DSCAM: variants seen among roughly 807,000 people sequenced by gnomAD.
The protein encoded by DSCAM is cell adhesion molecule DSCAM.
Under a neutral mutation model 217.7 loss-of-function variants are expected in DSCAM, and 47 were observed. The observed-to-expected ratio is 0.22, with a 90% CI of 0.17 to 0.28. The LOEUF is 0.28. Ranked by LOEUF, DSCAM falls within the 10% of genes least tolerant of loss-of-function variation. The probability of loss-of-function intolerance (pLI) is 1.00; values close to 1 mark genes in which losing one functional copy is unlikely to be tolerated. For synonymous variants in DSCAM, 1,056 were observed against 1,015.3 expected (o/e 1.04, Z -0.76); for missense variants, 2,080 against 2,618.3 (o/e 0.79, Z 4.49).
At chr21:40,494,796 T>A (rs2076104440) in intron 3 of DSCAM, among the ~76,000 whole-genome samples, 1 of 130,036 alleles carries the variant, frequency 7.7e-6, no homozygotes, top group Admixed American at 7.4e-5. Flanking sequence ...AGAAAAACAA[T>A]AGAAAAGATC....
At chr21:40,324,241 A>G (rs1190788995) in intron 8 of DSCAM, among the ~76,000 whole-genome samples, 1 of 152,076 alleles carries the variant, frequency 6.6e-6, no homozygotes, top group African/African-American at 2.4e-5. Context: ...AAAAATAATT[A>G]AAATGTTTTA....
At chr21:40,698,076 C>T (rs62223023) in intron 2 of DSCAM, among the ~76,000 whole-genome samples, 20,295 of 152,086 alleles carry the variant, frequency 0.13, 1,425 homozygotes, top group Admixed American at 0.19. Flanking sequence ...ATGAAGCTTA[C>T]GAAAAGCATC....
At chr21:40,464,257 G>T (rs1479824268) in intron 3 of DSCAM, among the ~76,000 whole-genome samples, 1 of 152,198 alleles carries the variant, frequency 6.6e-6, no homozygotes, top group East Asian at 1.9e-4. Context: ...GTAAATCGCT[G>T]CCCACATGGA....
intron 28 of DSCAM, among the ~76,000 whole-genome samples, chr21:40,060,648 C>T (rs991841907): frequency 2.6e-5 from 4 of 152,194 alleles, no homozygotes; most frequent in African/African-American, 7.2e-5. Flanking sequence ...CTCCAGGCAC[C>T]ATTATCACCT....
At chr21:40,479,397 G>A (rs902536276) in intron 3 of DSCAM, among the ~76,000 whole-genome samples, 10 of 152,068 alleles carry the variant, frequency 6.6e-5, no homozygotes, top group African/African-American at 1.4e-4. Flanking sequence ...AGTCCCCTTA[G>A]AAACATCTCA....
At chr21:40,142,819 C>T (rs974222091) in intron 17 of DSCAM, 115 bp from the exon 18 acceptor site, 1 of 1,207,210 alleles carries the variant, frequency 8.3e-7, no homozygotes, top group East Asian at 2.4e-5. Flanking sequence ...TTGCACTCAA[C>T]CCCAAAATGA....
At chr21:40,140,304 G>A (rs1386658896) in intron 18 of DSCAM, among the ~76,000 whole-genome samples, 2 of 152,162 alleles carry the variant, frequency 1.3e-5, no homozygotes, top group African/African-American at 2.4e-5. Context: ...ATGAGTGAAA[G>A]TATCTTTAAA....
Position 40,788,929 on chromosome 21 carries a change from G to A in DSCAM, c.43+57690C>T, listed in dbSNP as rs1601260851. ...CATATAGCACCACAATTTAGAGGTA[G>A]CCTTAAAAGAACTGTTTTCTGCTTA... On this transcript the variant is annotated intron_variant, in intron 1 of 32. Transcript: ENST00000400454. 2.0e-5 allele frequency among the ~76,000 whole-genome samples: 3 copies of A among 152,154 alleles called. No homozygotes were observed. In the East Asian group the frequency reaches 5.8e-4, roughly 29 times the overall value.
chr21:40,614,235 A>G (rs552717970), intron 3 of DSCAM, among the ~76,000 whole-genome samples: 1 of 152,336 alleles, frequency 6.6e-6, no homozygotes, highest in East Asian at 1.9e-4. Flanking sequence ...GACCACCCTA[A>G]GGGTTTTTTA....
chr21:40,555,894 C>T (rs187067568), intron 3 of DSCAM, among the ~76,000 whole-genome samples: 34 of 152,174 alleles, frequency 2.2e-4, no homozygotes, highest in African/African-American at 7.2e-4. Flanking sequence ...TCCTCGGCCT[C>T]CCAAAGTGCT....
At chr21:40,536,518 C>T (rs1469477962) in intron 3 of DSCAM, among the ~76,000 whole-genome samples, 1 of 151,738 alleles carries the variant, frequency 6.6e-6, no homozygotes, top group Non-Finnish European at 1.5e-5. Context: ...TCTCCTGCCT[C>T]AGCCTCCCTA....
chr21:40,408,166 A>G (rs1199919332), intron 3 of DSCAM, among the ~76,000 whole-genome samples: 3 of 152,156 alleles, frequency 2.0e-5, no homozygotes, highest in Admixed American at 1.3e-4. Flanking sequence ...ATGAAAACAA[A>G]GAATATATTA....
intron 11 of DSCAM, among the ~76,000 whole-genome samples, chr21:40,257,371 AT>A (rs370510907): frequency 2.0e-5 from 3 of 150,892 alleles, no homozygotes; most frequent in African/African-American, 4.9e-5. Context: ...TTATTGTTGT[AT>A]TTTTTTGTTT....
chr21:40,201,408 C>A (rs555808332), intron 11 of DSCAM, among the ~76,000 whole-genome samples: 84 of 151,696 alleles, frequency 5.5e-4, no homozygotes, highest in Admixed American at 2.0e-4. Context: ...TGGTTCTGTA[C>A]ATAGGTACTA....
At chr21:40,402,716 C>A (rs1482507452) in intron 3 of DSCAM, among the ~76,000 whole-genome samples, 5 of 149,446 alleles carry the variant, frequency 3.3e-5, no homozygotes, top group South Asian at 2.1e-4. Context: ...GATTTAACAA[C>A]AATTTCTTGA....
intron 3 of DSCAM, among the ~76,000 whole-genome samples, chr21:40,570,228 CAA>C (rs2076795995): frequency 1.3e-5 from 2 of 152,218 alleles, no homozygotes; most frequent in Non-Finnish European, 2.9e-5. Flanking sequence ...CACAAAGATT[CAA>C]AGAGTCTGGC....
chr21:40,455,166 G>C (rs1264484725), intron 3 of DSCAM, among the ~76,000 whole-genome samples: 1 of 152,150 alleles, frequency 6.6e-6, no homozygotes, highest in Admixed American at 6.5e-5. Flanking sequence ...TCAATGTAAT[G>C]TAAGACCAGG....
At chr21:40,195,656 G>C (rs1410326832) in intron 11 of DSCAM, among the ~76,000 whole-genome samples, 1 of 152,152 alleles carries the variant, frequency 6.6e-6, no homozygotes, top group Non-Finnish European at 1.5e-5. Flanking sequence ...CAGGCATTCA[G>C]AGCAGATATG....
intron 1 of DSCAM, among the ~76,000 whole-genome samples, chr21:40,734,684 A>AGTTT (rs1335806186): frequency 4.9e-4 from 74 of 152,362 alleles, no homozygotes; most frequent in African/African-American, 1.8e-3. Context: ...CCTCCATCCC[A>AGTTT]CCATTCCAGC....
Sources: gnomAD v4.1 joint callset for allele counts (sites outside exome capture counted in the v4.1 genomes callset) on GRCh38, gnomAD v4.1.1 for gene constraint, MANE v1.5 for transcripts, NCBI Gene and HGNC (gene_info 2026-07-23, HGNC 2026-07-21) for gene names.